HIVEP1: variants seen among roughly 807,000 people sequenced by gnomAD.
HIVEP1 encodes zinc finger protein 40.
In HIVEP1, 36 loss-of-function variants were observed where a neutral mutation model predicts 180.0. The observed-to-expected ratio is 0.20, with a 90% CI of 0.15 to 0.26. The LOEUF is 0.26. Ranked by LOEUF, HIVEP1 falls within the 10% of genes least tolerant of loss-of-function variation. The probability of loss-of-function intolerance (pLI) is 1.00; values close to 1 mark genes in which losing one functional copy is unlikely to be tolerated. For missense variants in HIVEP1, 3,143 were observed against 3,268.7 expected, an observed-to-expected ratio of 0.96 and a Z score of 0.94; for synonymous variants, 1,239 against 1,239.0, an observed-to-expected ratio of 1.00 and a Z score of 0.00.
chr6:12,096,401 A>T (rs1474934888), intron 3 of HIVEP1, among the ~76,000 whole-genome samples: 12 of 151,882 alleles, frequency 7.9e-5, no homozygotes, highest in Admixed American at 6.6e-4. Context: ...AGCTTGAGGG[A>T]AGTTAGGTTC....
chr6:12,120,450 A>T lies in HIVEP1; in HGVS notation c.655A>T (p.Ile219Phe). The change falls in exon 4 of 9, where the codon ATT becomes TTT. Residue 219 changes from isoleucine (I) to phenylalanine (F), a missense_variant. Physicochemically the swap from Ile to Phe is conservative, Grantham distance 21 (BLOSUM62 0). Around this residue, in one of 12 missense-constraint regions of HIVEP1, gnomAD observed 306 missense variants for 310.6 expected, o/e 0.99. Coordinates refer to ENST00000379388, the MANE Select transcript of HIVEP1 (RefSeq NM_002114.4). ...TLSQKGSPCA[I>F]KTEKLRPNKT... ...GTCACAAAAGGGCTCACCTTGTGCA[A>T]TTAAGACAGAAAAACTGAGGCCAAA... is the stretch of plus-strand genomic sequence containing the variant. 6.2e-7 allele frequency: 1 copy of T among 1,614,194 alleles called. No homozygotes were observed. The highest frequency in any genetic ancestry group is 8.5e-7 in the Non-Finnish European group (1 of 1,180,028).
the HIVEP1 span, among the ~76,000 whole-genome samples, chr6:12,191,413 G>A: frequency 6.6e-6 from 1 of 151,954 alleles, no homozygotes. Context: ...AACACGGGGA[G>A]ACCCCAACTC....
chr6:12,051,140 A>G (rs78384886), intron 2 of HIVEP1, among the ~76,000 whole-genome samples: 1,683 of 151,356 alleles, frequency 0.011, 35 homozygotes, highest in African/African-American at 0.038. Flanking sequence ...CTGGAATGGC[A>G]GAATTACTTA....
chr6:12,183,065 AG>A, the HIVEP1 span, among the ~76,000 whole-genome samples: 1 of 152,220 alleles, frequency 6.6e-6, no homozygotes, highest in Non-Finnish European at 1.5e-5. Context: ...GGACATTTAA[AG>A]GGAGAAAACT....
Position 12,121,576 on chromosome 6 carries a change from A to C in HIVEP1, c.1781A>C (p.Lys594Thr). The change falls in exon 4 of 9, where the codon AAG becomes ACG. Residue 594 changes from lysine (K) to threonine (T), a missense_variant. By Grantham distance (78) the Lys-to-Thr change is moderately conservative. Around this residue, in one of 12 missense-constraint regions of HIVEP1, gnomAD observed 365 missense variants for 344.4 expected, o/e 1.06. Transcript: ENST00000379388. This position sits in a 1 kb window ranked among gnomAD's most constrained non-coding sequence, Gnocchi z 5.3. ...GAACTTTCTAGTGCACAAAAGCAGA[A>C]GGACCTTCAGGTGACAAACGTACAG... ...KPELSSAQKQ[K>T]DLQVTNVQPL... is the part of the protein sequence containing the mutation. 2 of 1,614,202 alleles carry C rather than the reference A, an allele frequency of 1.2e-6. No homozygotes were observed. The highest frequency in any genetic ancestry group is 1.7e-6 in the Non-Finnish European group (2 of 1,180,028).
intron 1 of HIVEP1, among the ~76,000 whole-genome samples, chr6:12,014,080 A>G (rs542734210): frequency 6.6e-6 from 1 of 151,930 alleles, no homozygotes; most frequent in Non-Finnish European, 1.5e-5. Flanking sequence ...TACAATGTTT[A>G]GTTTAGTCCT....
the HIVEP1 span, among the ~76,000 whole-genome samples, chr6:12,173,660 G>A: frequency 1.3e-5 from 2 of 151,962 alleles, no homozygotes; most frequent in Non-Finnish European, 2.9e-5. Flanking sequence ...ATATCTGTGG[G>A]CTTGAAAAAG....
chr6:12,065,023 G>A (rs1402446799), intron 2 of HIVEP1, among the ~76,000 whole-genome samples: 1 of 152,180 alleles, frequency 6.6e-6, no homozygotes, highest in Admixed American at 6.5e-5. Flanking sequence ...ATGGAAAAGA[G>A]ATTCACACAT....
chr6:12,012,081 C>A (rs1337158367), upstream of HIVEP1: 1 of 147,292 alleles, frequency 6.8e-6, no homozygotes, highest in Middle Eastern at 3.3e-3. Context: ...TCCTTCCCGC[C>A]CCGGGCCCCG....
At chr6:12,203,689 A>G in the HIVEP1 span, among the ~76,000 whole-genome samples, 5 of 152,350 alleles carry the variant, frequency 3.3e-5, no homozygotes, top group African/African-American at 1.2e-4. Flanking sequence ...TAGGCTGAGC[A>G]ATCTACCCTG....
chr6:12,014,211 C>G (rs527592740), intron 1 of HIVEP1, among the ~76,000 whole-genome samples: 1 of 152,144 alleles, frequency 6.6e-6, no homozygotes. Flanking sequence ...GGCTTTGAAC[C>G]CACTCCGGTT....
chr6:12,075,574 A>G (rs1183478478), intron 2 of HIVEP1, among the ~76,000 whole-genome samples: 1 of 149,140 alleles, frequency 6.7e-6, no homozygotes, highest in African/African-American at 2.5e-5. Context: ...AGTTTTTAAA[A>G]AATTTCAGAT....
At chr6:12,080,774 A>T (rs1387334303) in intron 2 of HIVEP1, among the ~76,000 whole-genome samples, 1 of 152,192 alleles carries the variant, frequency 6.6e-6, no homozygotes, top group Admixed American at 6.5e-5. Flanking sequence ...AAGATGAGGC[A>T]TTTCACATTT....
the HIVEP1 span, among the ~76,000 whole-genome samples, chr6:12,198,122 GGC>G: frequency 6.6e-6 from 1 of 152,150 alleles, no homozygotes; most frequent in Non-Finnish European, 1.5e-5. Context: ...ATTAGTCAGT[GGC>G]CTGAACTTAC....
chr6:12,167,714 TAATA>T (rs1184966952), downstream of HIVEP1, among the ~76,000 whole-genome samples: 7 of 78,690 alleles, frequency 8.9e-5, no homozygotes, highest in African/African-American at 2.5e-4. Flanking sequence ...CATATATGCA[TAATA>T]TATATACATA....
rs895445296 is a variant in HIVEP1, at chr6:12,072,087, T to TC, written c.41-17097_41-17096insC. ...AGTCTTTGTCACATATTCTTCTTCT[T>TC]TTTTTTTTTTTATTAAATAAATAAT... On this transcript the variant is annotated intron_variant, in intron 2 of 8. Coordinates refer to ENST00000379388, the MANE Select transcript of HIVEP1 (RefSeq NM_002114.4). Among the ~76,000 whole-genome samples the TC allele has an allele frequency of 1.5e-4, 14 of 95,644 alleles. No homozygotes were observed. In the Middle Eastern group the frequency reaches 0.02, roughly 137 times the overall value. The allele number at this position is 95,644 out of a possible 152,430, so 62.7% of individuals were successfully genotyped here. A position where few individuals can be genotyped will look rare whatever the true frequency, so the allele number is the denominator to read the frequency against.
intron 7 of HIVEP1, among the ~76,000 whole-genome samples, chr6:12,142,356 A>G (rs757608835): frequency 4.6e-5 from 7 of 152,254 alleles, no homozygotes; most frequent in Non-Finnish European, 1.0e-4. Context: ...GACACAACAT[A>G]TCAGAATCTC....
chr6:12,066,149 G>A (rs1296705172), intron 2 of HIVEP1, among the ~76,000 whole-genome samples: 1 of 152,132 alleles, frequency 6.6e-6, no homozygotes, highest in Non-Finnish European at 1.5e-5. Flanking sequence ...TTTTCAAGGG[G>A]AGCGATTCTT....
At chr6:12,044,534 T>G (rs189306320) in intron 2 of HIVEP1, among the ~76,000 whole-genome samples, 182 of 145,420 alleles carry the variant, frequency 1.3e-3, no homozygotes, top group African/African-American at 4.4e-3. Flanking sequence ...TCAAAGCCAG[T>G]GCACCTGTGT....
Sources: allele counts gnomAD v4.1 joint callset (sites outside exome capture counted in the v4.1 genomes callset), GRCh38; gene constraint gnomAD v4.1.1; regional missense constraint gnomAD v4.1.1; non-coding constraint Gnocchi (gnomAD v3.1); transcripts MANE v1.5; gene names NCBI Gene and HGNC (gene_info 2026-07-23, HGNC 2026-07-21).